Variants in WIPF1 observed in about 807,000 individuals in gnomAD.
The protein encoded by WIPF1 is WAS/WASL interacting protein family member 1.
WIPF1 carries 13 observed loss-of-function variants against 35.4 expected under a neutral mutation model. The observed-to-expected ratio is 0.37, with a 90% CI of 0.24 to 0.58. The LOEUF is 0.58. Ranked by LOEUF, WIPF1 falls within the 20% of genes least tolerant of loss-of-function variation. The pLI is 0.74. For synonymous variants in WIPF1, 267 were observed against 266.3 expected (o/e 1.00, Z -0.02); for missense variants, 591 against 667.0 (o/e 0.89, Z 1.25).
rs1684821960 is a variant in WIPF1 at position 174,571,239 on chromosome 2, C to T, written c.1129+437G>A. The T allele has an allele frequency of 5.8e-6, 2 of 344,024 alleles. No homozygotes were observed. The highest frequency in any genetic ancestry group is 3.7e-5 in the South Asian group (1 of 27,238). 21.3% of individuals were successfully genotyped at this position (344,024 alleles called of 1,614,324 possible). A position where few individuals can be genotyped will look rare whatever the true frequency, so the allele number is the denominator to read the frequency against. ...AGCCTGGCGAATGAAGAGAGAAGTA[C>T]AGGAGAAGTTCATTAGCTCTTGAAG... On this transcript the variant is annotated intron_variant, in intron 5 of 7. Transcript: ENST00000679041. This position sits in a 1 kb window ranked among gnomAD's most constrained non-coding sequence, Gnocchi z 4.6.
chr2:174,631,807 T>C (rs747912284), intron 1 of WIPF1, among the ~76,000 whole-genome samples: 5 of 152,232 alleles, frequency 3.3e-5, no homozygotes, highest in Admixed American at 6.5e-5. Context: ...TATCAGAGTT[T>C]AACTTTCTTT....
chr2:174,564,213 T>C (rs1190333814), intron 7 of WIPF1, among the ~76,000 whole-genome samples: 1 of 152,212 alleles, frequency 6.6e-6, no homozygotes, highest in East Asian at 1.9e-4. Context: ...TATTTATTTT[T>C]GTTAGATGAT....
At chr2:174,666,077 A>G (rs973733184) in intron 1 of WIPF1, among the ~76,000 whole-genome samples, 1 of 152,150 alleles carries the variant, frequency 6.6e-6, no homozygotes, top group African/African-American at 2.4e-5. Flanking sequence ...GCCCAGGAGT[A>G]TGAGACCAGC....
chr2:174,630,946 A>G (rs1305997901), intron 1 of WIPF1, among the ~76,000 whole-genome samples: 1 of 152,250 alleles, frequency 6.6e-6, no homozygotes, highest in Admixed American at 6.5e-5. Flanking sequence ...CAGAAGCAAG[A>G]CATGAACATT....
chr2:174,665,764 A>C (rs1336098598), intron 1 of WIPF1: 1 of 152,198 alleles, frequency 6.6e-6, no homozygotes. Context: ...TTCTTACTGT[A>C]GGTCATAACC....
At chr2:174,591,950 C>G (rs999774627) in intron 1 of WIPF1, among the ~76,000 whole-genome samples, 3 of 152,184 alleles carry the variant, frequency 2.0e-5, no homozygotes, top group South Asian at 2.1e-4. Flanking sequence ...CCCAACAGTA[C>G]AGGGGACACA....
chr2:174,576,230 C>CAAA (rs66562213), intron 3 of WIPF1, among the ~76,000 whole-genome samples: 19 of 98,868 alleles, frequency 1.9e-4, no homozygotes, highest in African/African-American at 4.4e-4. Context: ...TGCACTCCAG[C>CAAA]AAAAAAAAAA....
intron 1 of WIPF1, among the ~76,000 whole-genome samples, chr2:174,609,654 A>G (rs1175240540): frequency 1.3e-5 from 2 of 152,244 alleles, no homozygotes; most frequent in Non-Finnish European, 2.9e-5. Flanking sequence ...TTGTGTGTGA[A>G]GTCAGATTAT....
rs190816696 is a variant in WIPF1 at position 174,634,123 on chromosome 2, G to A, written c.-38-48512C>T. Among the ~76,000 whole-genome samples, 99 of 152,262 alleles carry A rather than the reference G, an allele frequency of 6.5e-4. 1 individual carries two copies. The Middle Eastern group carries it at 0.014, about 21-fold the overall frequency. ...GCACGTTTTTATGCACAGTATTTCT[G>A]TATTTTCTAACACCCTTTGAATGCC... On this transcript the variant is annotated intron_variant, in intron 1 of 8. Coordinates refer to the WIPF1 transcript ENST00000272746.
intron 1 of WIPF1, among the ~76,000 whole-genome samples, chr2:174,596,556 C>T (rs996302043): frequency 1.3e-5 from 2 of 152,168 alleles, no homozygotes; most frequent in Non-Finnish European, 2.9e-5. Context: ...GTAGCCTTTT[C>T]ATTTACCACC....
intron 1 of WIPF1, among the ~76,000 whole-genome samples, chr2:174,666,654 G>A (rs1303944526): frequency 6.6e-6 from 1 of 152,224 alleles, no homozygotes; most frequent in Non-Finnish European, 1.5e-5. Flanking sequence ...CACATTCCTT[G>A]ACCACTAAGA....
At position 174,571,527 on chromosome 2, in the gene WIPF1, C is replaced by G. The variant is rs1421761226; in HGVS notation, c.1129+149G>C. 7 of 1,101,482 alleles carry G rather than the reference C, an allele frequency of 6.4e-6. No homozygotes were observed. Among genetic ancestry groups the G allele is most frequent in the Non-Finnish European group, 9.7e-6 (7 of 718,832 alleles). The allele number at this position is 1,101,482 out of a possible 1,614,324, so 68.2% of individuals were successfully genotyped here. ...TTCCCCCGGGGTTTACACGAGGTCACGATCACACGTGTCGTGTGCCACTTA... is the reference window on the plus strand; with the variant it reads ...TTCCCCCGGGGTTTACACGAGGTCAGGATCACACGTGTCGTGTGCCACTTA... On this transcript the variant is annotated intron_variant, in intron 5 of 7. Coordinates refer to ENST00000679041, the MANE Select transcript of WIPF1 (RefSeq NM_001375834.1). This position sits in a 1 kb window ranked among gnomAD's most constrained non-coding sequence, Gnocchi z 4.6.
chr2:174,582,840 G>A (rs1373281585), intron 2 of WIPF1, among the ~76,000 whole-genome samples: 1 of 152,220 alleles, frequency 6.6e-6, no homozygotes, highest in East Asian at 1.9e-4. Flanking sequence ...ACTAAATGAT[G>A]AAGTATTACT....
intron 1 of WIPF1, among the ~76,000 whole-genome samples, chr2:174,673,969 G>A (rs1315040869): frequency 6.6e-6 from 1 of 152,122 alleles, no homozygotes; most frequent in East Asian, 1.9e-4. Flanking sequence ...TTATTATTCT[G>A]GGCTGCACAA....
chr2:174,595,571 G>A (rs1047863569), intron 1 of WIPF1, among the ~76,000 whole-genome samples: 4 of 152,098 alleles, frequency 2.6e-5, no homozygotes, highest in Admixed American at 2.0e-4. Context: ...GGTGAAGAAC[G>A]TAACACAAAA....
At chr2:174,585,424 C>T (rs1450428382) in intron 2 of WIPF1, 99 bp downstream of exon 2, 2 of 1,258,156 alleles carry the variant, frequency 1.6e-6, no homozygotes, top group African/African-American at 1.5e-5. Flanking sequence ...ACATGTGAGC[C>T]AGAATGCAAA....
intron 1 of WIPF1, among the ~76,000 whole-genome samples, chr2:174,603,485 A>T (rs1303410828): frequency 6.6e-6 from 1 of 152,216 alleles, no homozygotes; most frequent in East Asian, 1.9e-4. Context: ...ACAACAAAAT[A>T]GCTAGTTATG....
At chr2:174,647,890 G>A (rs1357091938) in intron 1 of WIPF1, among the ~76,000 whole-genome samples, 1 of 152,192 alleles carries the variant, frequency 6.6e-6, no homozygotes, top group South Asian at 2.1e-4. Context: ...CTAGATTAAA[G>A]AGATAGGTTA....
chr2:174,679,822 AGAGT>A (rs1688212860), intron 1 of WIPF1, among the ~76,000 whole-genome samples: 1 of 152,226 alleles, frequency 6.6e-6, no homozygotes, highest in South Asian at 2.1e-4. Flanking sequence ...TAATACCTAC[AGAGT>A]GAGGAACAAC....
Sources: allele counts gnomAD v4.1 joint callset (sites outside exome capture counted in the v4.1 genomes callset), GRCh38; gene constraint gnomAD v4.1.1; non-coding constraint Gnocchi (gnomAD v3.1); transcripts MANE v1.5; gene names NCBI Gene and HGNC (gene_info 2026-07-23, HGNC 2026-07-21).